PTGS1: variants seen among roughly 807,000 people sequenced by gnomAD.
PTGS1 encodes prostaglandin G/H synthase 1.
Under a neutral mutation model 63.0 loss-of-function variants are expected in PTGS1, and 40 were observed. That is an observed-to-expected ratio of 0.63 (90% CI 0.49 to 0.83). PTGS1 has a LOEUF of 0.83. PTGS1 is among the 40% of genes least tolerant of loss of function. PTGS1 has a pLI of 0.00. For synonymous variants in PTGS1, 298 were observed against 301.9 expected, an observed-to-expected ratio of 0.99 and a Z score of 0.13; for missense variants, 709 against 786.5, an observed-to-expected ratio of 0.90 and a Z score of 1.18.
chr9:122,392,315 T>C lies in PTGS1; in HGVS notation c.1571T>C (p.Ile524Thr), dbSNP rs201812915. The C allele has an allele frequency of 8.7e-6, 14 of 1,613,996 alleles. No homozygotes were observed. The highest frequency in any genetic ancestry group is 2.2e-5 in the South Asian group (2 of 91,078). ...ATCTTTGGGGAGAGTATGATAGAGA[T>C]TGGGGCTCCCTTTTCCCTCAAGGGT... is the stretch of plus-strand genomic sequence containing the variant. ...NSIFGESMIE[I>T]GAPFSLKGLL... Residue 524 changes from isoleucine to threonine, a missense_variant, in exon 11 of 11, where the codon ATT (isoleucine) becomes ACT (threonine). By Grantham distance (89) the Ile-to-Thr change is moderately conservative. Transcript: ENST00000362012.
rs934527590 is a variant in PTGS1, at chr9:122,377,482, C to T, written c.95-417C>T. 4.0e-5 allele frequency among the ~76,000 whole-genome samples: 6 copies of T among 151,538 alleles called. No individual in the cohort carries two copies. In the East Asian group the frequency reaches 5.8e-4, roughly 15 times the overall value. On this transcript the variant is annotated intron_variant, in intron 2 of 10. Coordinates refer to ENST00000362012, the MANE Select transcript of PTGS1 (RefSeq NM_000962.4). ...CTTTTCTGACCGCCCCCCCACCCCC[C>T]GCCCCGGCCTGCTCTTGCTACTGAA...
intron 2 of PTGS1, chr9:122,371,614 G>T: frequency 7.0e-7 from 1 of 1,431,308 alleles, no homozygotes; most frequent in Non-Finnish European, 9.1e-7. Flanking sequence ...TTCCTATAGG[G>T]GCCTCTTTGG....
Position 122,390,307 on chromosome 9 carries a change from T to G in PTGS1, c.1406T>G (p.Phe469Cys). ...CCCTTCAATGAGTACCGCAAGAGGT[T>G]TGGCATGAAACCCTACACCTCCTTC... is the stretch of plus-strand genomic sequence containing the variant. ...LQPFNEYRKR[F>C]GMKPYTSFQE... The change falls in exon 10 of 11, where the codon TTT becomes TGT. Residue 469 changes from phenylalanine to cysteine, a missense_variant. Physicochemically the swap from Phe to Cys is radical, Grantham distance 205. Transcript: ENST00000362012. The G allele has an allele frequency of 6.2e-7, 1 of 1,614,124 alleles. No homozygotes were observed. The highest frequency in any genetic ancestry group is 8.5e-7 in the Non-Finnish European group (1 of 1,180,018).
In PTGS1 at chr9:122,386,376, C is replaced by A. The variant is rs1042551366; in HGVS notation, c.1010-70C>A. On this transcript the variant is annotated intron_variant, in intron 8 of 10. Coordinates refer to ENST00000362012, the MANE Select transcript of PTGS1 (RefSeq NM_000962.4). ...AAAGCAAGCACCTCTCATGAACTGG[C>A]CTGCTTTCCAAGCTGGGCATCTAAA... 3.3e-5 allele frequency: 51 copies of A among 1,532,944 alleles called. No homozygotes were observed. The African/African-American group carries it at 6.1e-4, about 18-fold the overall frequency. 95.0% of individuals were successfully genotyped at this position (1,532,944 alleles called of 1,614,324 possible).
chr9:122,390,724 C>T (rs185583401), intron 10 of PTGS1, among the ~76,000 whole-genome samples: 20 of 152,106 alleles, frequency 1.3e-4, no homozygotes, highest in South Asian at 1.0e-3. Context: ...GATGAAACCC[C>T]GTCTCTACTA....
In PTGS1 at chr9:122,385,258, G is replaced by A. The variant is rs138480163; in HGVS notation, c.1010-1188G>A. On this transcript the variant is annotated intron_variant, in intron 8 of 10. Coordinates refer to ENST00000362012, the MANE Select transcript of PTGS1 (RefSeq NM_000962.4). ...TAGGCATGAGCCACAGCGCCTGGCC[G>A]CACTGATATTATTATAACACACATT... Among the ~76,000 whole-genome samples, 567 of 152,096 alleles carry A rather than the reference G, an allele frequency of 3.7e-3. 4 individuals carry two copies. The highest frequency in any genetic ancestry group is 0.013 in the African/African-American group (534 of 41,484).
intron 8 of PTGS1, among the ~76,000 whole-genome samples, chr9:122,384,526 G>A (rs949327456): frequency 1.3e-5 from 2 of 152,164 alleles, no homozygotes; most frequent in Non-Finnish European, 2.9e-5. Flanking sequence ...TGAGAGAGCT[G>A]GAGGCTGTCC....
At chr9:122,384,649 G>A (rs1837763363) in intron 8 of PTGS1, among the ~76,000 whole-genome samples, 1 of 152,170 alleles carries the variant, frequency 6.6e-6, no homozygotes, top group South Asian at 2.1e-4. Context: ...TCAAGATTCA[G>A]AGAGGTGAAG....
intron 2 of PTGS1, chr9:122,375,592 C>T (rs1837088557): frequency 4.2e-6 from 3 of 719,240 alleles, no homozygotes; most frequent in Non-Finnish European, 5.1e-6. Context: ...AGCGGGGGTC[C>T]CTTCTCCTGG....
At chr9:122,379,929 G>C (rs1042852698) in intron 5 of PTGS1, among the ~76,000 whole-genome samples, 7 of 152,112 alleles carry the variant, frequency 4.6e-5, no homozygotes, top group African/African-American at 1.4e-4. Flanking sequence ...GCCTTTACCA[G>C]AACTCAAAAA....
chr9:122,388,109 CAAGGA>C (rs1272014264), intron 9 of PTGS1, among the ~76,000 whole-genome samples: 1 of 152,226 alleles, frequency 6.6e-6, no homozygotes, highest in Non-Finnish European at 1.5e-5. Context: ...AGAACGTTTT[CAAGGA>C]ATGACCATGA....
chr9:122,384,469 G>A (rs2119161989), intron 8 of PTGS1, among the ~76,000 whole-genome samples: 1 of 152,276 alleles, frequency 6.6e-6, no homozygotes, highest in Admixed American at 6.5e-5. Context: ...GTCATTAGAG[G>A]GAAGAGGGGC....
At chr9:122,378,054 G>T in intron 3 of PTGS1, 39 bp downstream of exon 3, 1 of 1,564,802 alleles carries the variant, frequency 6.4e-7, no homozygotes. Flanking sequence ...TCCGTCTTGA[G>T]CCCTTCTGCT....
At chr9:122,378,707 G>A (rs1837335181) in intron 4 of PTGS1, 68 bp from the exon 5 acceptor site, 16 of 1,605,502 alleles carry the variant, frequency 1.0e-5, no homozygotes, top group Non-Finnish European at 1.4e-5. Context: ...CAACCCAGGA[G>A]GAGGCAAGAA....
At position 122,381,420 on chromosome 9, in the gene PTGS1, C is replaced by G; in HGVS notation, c.546C>G (p.Leu182=). The part of the protein sequence containing the change: ...DAQLLARRFL[L]RRKFIPDPQG... ...AGCTCCTGGCCCGCCGCTTCCTGCT[C>G]AGGAGGAAGTTCATACCTGACCCCC... is the stretch of plus-strand genomic sequence containing the variant. Residue 182 remains leucine (L), a synonymous_variant, in exon 6 of 11, where the codon CTC becomes CTG. Coordinates refer to ENST00000362012, the MANE Select transcript of PTGS1 (RefSeq NM_000962.4). The G allele has an allele frequency of 6.2e-7, 1 of 1,614,188 alleles. No individual in the cohort carries two copies. The highest frequency in any genetic ancestry group is 1.1e-5 in the South Asian group (1 of 91,082).
At position 122,393,224 on chromosome 9, in the gene PTGS1, C is replaced by A. The variant is rs939308900; in HGVS notation, c.*680C>A. On this transcript the variant is annotated 3_prime_UTR_variant, in exon 11 of 11. Coordinates refer to ENST00000362012, the MANE Select transcript of PTGS1 (RefSeq NM_000962.4). ...ATTCACGCCATTGGTTGGAAGCTAC[C>A]AGAGCTCTATCCCCATCCAGGTCTT... The A allele has an allele frequency of 6.6e-5, 10 of 152,242 alleles. No individual in the cohort carries two copies. The highest frequency in any genetic ancestry group is 2.4e-4 in the African/African-American group (10 of 41,434). The allele number at this position is 152,242 out of a possible 1,614,324, so 9.4% of individuals were successfully genotyped here.
In PTGS1 at chr9:122,392,489, C is replaced by T. The variant is rs201836968; in HGVS notation, c.1745C>T (p.Pro582Leu). 2.7e-5 allele frequency: 43 copies of T among 1,613,984 alleles called. No homozygotes were observed. Among genetic ancestry groups the T allele is most frequent in the Admixed American group, 6.7e-5 (4 of 59,992 alleles). ...TGTCCCTACGTTTCCTTCCGTGTGC[C>T]GGATGCCAGTCAGGATGATGGGCCT... ...KTCPYVSFRV[P>L]DASQDDGPAV... is the part of the protein sequence containing the mutation. Residue 582 changes from proline (P) to leucine (L), a missense_variant, in exon 11 of 11, where the codon CCG becomes CTG. Pro to Leu is a moderately conservative substitution (Grantham distance 98, BLOSUM62 -3). Transcript: ENST00000362012.
In PTGS1 at chr9:122,389,148, C is replaced by CT. The variant is rs11313763; in HGVS notation, c.1297-1030dup. On this transcript the variant is annotated intron_variant, in intron 9 of 10. Coordinates refer to ENST00000362012, the MANE Select transcript of PTGS1 (RefSeq NM_000962.4). ...AAGCACCAGAGCTTTCTTTTCTTTC[C>CT]TTTTTTTTTTTTTTTTTTTTGAGAT... Among the ~76,000 whole-genome samples the CT allele has an allele frequency of 5.1e-3, 416 of 81,468 alleles. 5 individuals are homozygous for CT. Among genetic ancestry groups the CT allele is most frequent in the African/African-American group, 0.012 (302 of 24,830 alleles). The allele number at this position is 81,468 out of a possible 152,430, so 53.4% of individuals were successfully genotyped here. A position where few individuals can be genotyped will look rare whatever the true frequency, so the allele number is the denominator to read the frequency against.
chr9:122,384,301 T>G (rs1262561043), intron 8 of PTGS1, among the ~76,000 whole-genome samples: 1 of 152,160 alleles, frequency 6.6e-6, no homozygotes, highest in Non-Finnish European at 1.5e-5. Flanking sequence ...GTTTCCTGCC[T>G]GGGAGCTTGG....
Sources: gnomAD v4.1 joint callset for allele counts (sites outside exome capture counted in the v4.1 genomes callset) on GRCh38, gnomAD v4.1.1 for gene constraint, MANE v1.5 for transcripts, NCBI Gene and HGNC (gene_info 2026-07-23, HGNC 2026-07-21) for gene names.